Variants in FBXO34 observed in about 807,000 individuals in gnomAD.
FBXO34 encodes the protein F-box protein 34.
In FBXO34, 12 loss-of-function variants were observed where a neutral mutation model predicts 24.5. The observed-to-expected ratio is 0.49, with a 90% CI of 0.31 to 0.79. The LOEUF (loss-of-function observed/expected upper bound fraction) is 0.79, where lower values mean the gene tolerates loss of function less well. Ranked by LOEUF, FBXO34 falls within the 30% of genes least tolerant of loss-of-function variation. The probability of loss-of-function intolerance (pLI) is 0.04; values close to 1 mark genes in which losing one functional copy is unlikely to be tolerated. For synonymous variants in FBXO34, 320 were observed against 311.9 expected (o/e 1.03, Z -0.27); for missense variants, 823 against 857.7 (o/e 0.96, Z 0.51).
chr14:55,342,475 C>G (rs1028841695), intron 1 of FBXO34, among the ~76,000 whole-genome samples: 2 of 152,072 alleles, frequency 1.3e-5, no homozygotes, highest in Non-Finnish European at 2.9e-5. Flanking sequence ...AAAAGTCATC[C>G]CCCAATATTT....
intron 1 of FBXO34, among the ~76,000 whole-genome samples, chr14:55,323,184 CAAAAAAAAA>C (rs368380622): frequency 0.018 from 217 of 12,132 alleles, 39 homozygotes; most frequent in East Asian, 0.064. Flanking sequence ...GACTCTGTCT[CAAAAAAAAA>C]AAAAAAAAAA....
At chr14:55,329,529 T>G (rs17128408) in intron 1 of FBXO34, among the ~76,000 whole-genome samples, 2,468 of 152,328 alleles carry the variant, frequency 0.016, 75 homozygotes, top group African/African-American at 0.056. Flanking sequence ...TTATGTTTCT[T>G]GACACTTGAA....
intron 1 of FBXO34, among the ~76,000 whole-genome samples, chr14:55,280,008 A>G (rs922741351): frequency 6.6e-5 from 10 of 152,216 alleles, no homozygotes; most frequent in Non-Finnish European, 1.2e-4. Context: ...CTCTTTGATA[A>G]TATCTTAAAC....
At chr14:55,314,853 G>T (rs542577909) in intron 1 of FBXO34, among the ~76,000 whole-genome samples, 2 of 152,310 alleles carry the variant, frequency 1.3e-5, no homozygotes, top group African/African-American at 4.8e-5. Flanking sequence ...TTTGAAAAGT[G>T]TCAGTCTTTC....
chr14:55,310,021 A>G (rs1882683133), intron 1 of FBXO34, among the ~76,000 whole-genome samples: 1 of 139,760 alleles, frequency 7.2e-6, no homozygotes, highest in African/African-American at 2.6e-5. Context: ...CAGAATTGTC[A>G]GAACCCTGAA....
chr14:55,375,471 C>T, the FBXO34 span, among the ~76,000 whole-genome samples: 14 of 148,344 alleles, frequency 9.4e-5, 1 homozygote, highest in East Asian at 2.8e-3. Flanking sequence ...TACAGGCATG[C>T]ATTACCACGC....
the FBXO34 span, chr14:55,428,867 C>T: frequency 5.6e-6 from 9 of 1,614,088 alleles, no homozygotes; most frequent in African/African-American, 1.3e-5. Flanking sequence ...TCTCACATCA[C>T]AGCTTCCAAC....
At chr14:55,305,431 GTC>G in intron 1 of FBXO34, among the ~76,000 whole-genome samples, 1 of 147,394 alleles carries the variant, frequency 6.8e-6, no homozygotes, top group Admixed American at 6.8e-5. Flanking sequence ...AAAAAAAAAA[GTC>G]TTAGTCCGGG....
the FBXO34 span, among the ~76,000 whole-genome samples, chr14:55,411,166 C>T: frequency 6.6e-6 from 1 of 152,186 alleles, no homozygotes; most frequent in East Asian, 1.9e-4. Context: ...GCCCAAATCC[C>T]TCTAAAGCAG....
At chr14:55,386,879 G>A in the FBXO34 span, among the ~76,000 whole-genome samples, 2 of 152,220 alleles carry the variant, frequency 1.3e-5, no homozygotes, top group African/African-American at 4.8e-5. Context: ...GAGTTGCTTA[G>A]GCAACTTAAA....
the FBXO34 span, among the ~76,000 whole-genome samples, chr14:55,381,446 C>A: frequency 6.6e-6 from 1 of 152,124 alleles, no homozygotes; most frequent in Non-Finnish European, 1.5e-5. Flanking sequence ...CGTCCTCTTA[C>A]ATAAACAAGA....
At chr14:55,329,695 G>C (rs1883468961) in intron 1 of FBXO34, among the ~76,000 whole-genome samples, 2 of 152,108 alleles carry the variant, frequency 1.3e-5, no homozygotes, top group Non-Finnish European at 2.9e-5. Context: ...TTGGCTTGAA[G>C]TCCTTTTTTT....
At chr14:55,307,222 C>T (rs907031020) in intron 1 of FBXO34, among the ~76,000 whole-genome samples, 1 of 152,134 alleles carries the variant, frequency 6.6e-6, no homozygotes, top group African/African-American at 2.4e-5. Context: ...TTTTCCGCCC[C>T]TCTGTTTAGC....
At chr14:55,297,065 CCGG>C (rs1882161056) in intron 1 of FBXO34, among the ~76,000 whole-genome samples, 1 of 152,140 alleles carries the variant, frequency 6.6e-6, no homozygotes, top group South Asian at 2.1e-4. Flanking sequence ...TTCCCCTTGA[CCGG>C]CGTCATTTTG....
chr14:55,433,813 A>C, the FBXO34 span: 4 of 1,117,000 alleles, frequency 3.6e-6, no homozygotes, highest in Non-Finnish European at 5.2e-6. Flanking sequence ...AATCTCAAAC[A>C]GATTGGATGG....
chr14:55,385,651 G>A, the FBXO34 span, among the ~76,000 whole-genome samples: 1 of 152,214 alleles, frequency 6.6e-6, no homozygotes, highest in African/African-American at 2.4e-5. Context: ...CTCTAGGACA[G>A]TACACAAGTG....
At chr14:55,339,885 G>A (rs947030541) in intron 1 of FBXO34, among the ~76,000 whole-genome samples, 1 of 152,284 alleles carries the variant, frequency 6.6e-6, no homozygotes. Flanking sequence ...GCATGTGGTA[G>A]AAGGAAGAAT....
intron 1 of FBXO34, chr14:55,299,356 C>T: frequency 5.2e-6 from 2 of 382,688 alleles, no homozygotes; most frequent in South Asian, 2.1e-5. Flanking sequence ...GCTGCTCGCT[C>T]TCTGCATAGC....
the FBXO34 span, among the ~76,000 whole-genome samples, chr14:55,422,990 A>G: frequency 6.6e-6 from 1 of 152,250 alleles, no homozygotes; most frequent in Non-Finnish European, 1.5e-5. Context: ...AAAAGCCAAC[A>G]GGAAAAAATA....
Sources: allele counts gnomAD v4.1 joint callset (sites outside exome capture counted in the v4.1 genomes callset), GRCh38; gene constraint gnomAD v4.1.1; transcripts MANE v1.5; gene names NCBI Gene and HGNC (gene_info 2026-07-23, HGNC 2026-07-21).